The following DHRS7C variants were observed in gnomAD, a reference collection of about 807,000 sequenced individuals.
The protein encoded by DHRS7C is dehydrogenase/reductase 7C.
A neutral mutation model predicts 29.6 loss-of-function variants in DHRS7C; 28 were observed. The observed-to-expected ratio is 0.95, with a 90% CI of 0.70 to 1.30. The LOEUF (loss-of-function observed/expected upper bound fraction) is 1.30, where lower values mean the gene tolerates loss of function less well. Ranked by LOEUF, DHRS7C falls within the 50% of genes most tolerant of loss-of-function variation. The pLI, the probability that DHRS7C is intolerant of heterozygous loss-of-function variation, is 0.00. For missense variants in DHRS7C, 403 were observed against 393.3 expected (o/e 1.02, Z -0.21); for synonymous variants, 158 against 160.2 (o/e 0.99, Z 0.10).
chr17:9,788,574 A>T (rs7215381), intron 1 of DHRS7C, among the ~76,000 whole-genome samples: 19,922 of 152,256 alleles, frequency 0.13, 1,677 homozygotes, highest in Non-Finnish European at 0.2. Flanking sequence ...GGCCAAATCC[A>T]GGAGGTTTAG....
chr17:9,779,438 T>C (rs1378251501), intron 3 of DHRS7C, among the ~76,000 whole-genome samples: 4 of 152,190 alleles, frequency 2.6e-5, no homozygotes, highest in African/African-American at 9.7e-5. Flanking sequence ...CTGTAATGGT[T>C]AGAAGCAGGT....
chr17:9,783,881 C>T (rs1442142494), intron 1 of DHRS7C, among the ~76,000 whole-genome samples: 1 of 151,140 alleles, frequency 6.6e-6, no homozygotes, highest in Non-Finnish European at 1.5e-5. Context: ...ATGGAGACTG[C>T]AGTAAATTGA....
At chr17:9,773,592 AGGCAGAAGG>A (rs2066344113) in intron 4 of DHRS7C, among the ~76,000 whole-genome samples, 2 of 152,164 alleles carry the variant, frequency 1.3e-5, no homozygotes, top group South Asian at 2.1e-4. Flanking sequence ...TGTCAGTCAG[AGGCAGAAGG>A]GGCAGAAGGT....
chr17:9,790,810 T>C (rs936436504), intron 1 of DHRS7C, among the ~76,000 whole-genome samples: 2 of 152,164 alleles, frequency 1.3e-5, no homozygotes, highest in African/African-American at 4.8e-5. Flanking sequence ...ACCAGTACAT[T>C]GCCCCAGCTA....
intron 1 of DHRS7C, among the ~76,000 whole-genome samples, chr17:9,784,126 T>C (rs1265883848): frequency 1.3e-5 from 2 of 151,880 alleles, no homozygotes; most frequent in Non-Finnish European, 2.9e-5. Flanking sequence ...TGAGCATCCA[T>C]TGAAAGAAAA....
intron 1 of DHRS7C, among the ~76,000 whole-genome samples, chr17:9,786,031 A>G (rs1256049051): frequency 2.0e-5 from 3 of 151,858 alleles, no homozygotes; most frequent in Non-Finnish European, 4.4e-5. Flanking sequence ...ATAATCTAAT[A>G]GTAATCAGAG....
intron 5 of DHRS7C, among the ~76,000 whole-genome samples, chr17:9,772,225 C>G (rs2066333802): frequency 6.6e-6 from 1 of 152,140 alleles, no homozygotes; most frequent in Admixed American, 6.5e-5. Flanking sequence ...TTCAGTCCTT[C>G]CAACAACCCT....
At chr17:9,787,413 G>A (rs2066430201) in intron 1 of DHRS7C, among the ~76,000 whole-genome samples, 1 of 151,966 alleles carries the variant, frequency 6.6e-6, no homozygotes, top group Non-Finnish European at 1.5e-5. Context: ...GTGTGCCTGG[G>A]AGGCTGGAGC....
chr17:9,777,536 CTTTTTT>C (rs35099144), intron 3 of DHRS7C, among the ~76,000 whole-genome samples: 1 of 147,852 alleles, frequency 6.8e-6, no homozygotes, highest in Non-Finnish European at 1.5e-5. Flanking sequence ...ACACTGATTT[CTTTTTT>C]TTTTTTTAAA....
rs2066455556 is a variant in DHRS7C, at chr17:9,791,591, A to C, written c.-307T>G. Among the ~76,000 whole-genome samples the C allele has an allele frequency of 6.6e-6, 1 of 152,166 alleles. No homozygotes were observed. Among genetic ancestry groups the C allele is most frequent in the Non-Finnish European group, 1.5e-5 (1 of 68,014 alleles). On this transcript the variant is annotated 5_prime_UTR_variant, in exon 1 of 6. Coordinates refer to ENST00000571134, the MANE Select transcript of DHRS7C (RefSeq NM_001105571.3). ...GTTAAGGCCACTTGCTTGGGCCCTAATGGTTATTTATAGCTTTCAGTTGCA... is the reference window on the plus strand; with the variant it reads ...GTTAAGGCCACTTGCTTGGGCCCTACTGGTTATTTATAGCTTTCAGTTGCA...
intron 1 of DHRS7C, among the ~76,000 whole-genome samples, chr17:9,788,990 C>T (rs2066439712): frequency 6.6e-6 from 1 of 152,152 alleles, no homozygotes. Context: ...GGCTGTTTCC[C>T]TCATGAGATG....
In DHRS7C at chr17:9,774,313, C is replaced by G. The variant is rs1474108511; in HGVS notation, c.572-1391G>C. ...GTTTTGTTTTGTTTTGAGAGGGAGT[C>G]TTGCTCTGTTGTCCGGGCTGGAGTA... On this transcript the variant is annotated intron_variant, in intron 4 of 5. Coordinates refer to ENST00000571134, the MANE Select transcript of DHRS7C (RefSeq NM_001105571.3). This position sits in a 1 kb window ranked among gnomAD's most constrained non-coding sequence, Gnocchi z 5.0. 1.3e-5 allele frequency among the ~76,000 whole-genome samples: 2 copies of G among 152,074 alleles called. No individual in the cohort carries two copies. The highest frequency in any genetic ancestry group is 2.9e-5 in the Non-Finnish European group (2 of 68,010).
rs1187932321 is a variant in DHRS7C at position 9,781,557 on chromosome 17, C to A, written c.192G>T (p.Leu64=). 1.2e-6 allele frequency: 2 copies of A among 1,613,974 alleles called. No homozygotes were observed. Among genetic ancestry groups the A allele is most frequent in the Admixed American group, 1.7e-5 (1 of 60,032 alleles). The part of the protein sequence containing the change: ...ARVFHTGGAR[L]VLCGKNWERL... The stretch of plus-strand genomic sequence containing the variant: ...TCTCCCAGTTCTTTCCACACAGCAC[C>A]AGCCTTGCCCCACCTGTGTGGAACA... Residue 64 remains leucine (L), a synonymous_variant, in exon 2 of 6, where the codon CTG becomes CTT. Transcript: ENST00000571134.
At position 9,774,002 on chromosome 17, in the gene DHRS7C, C is replaced by T. The variant is rs551834709; in HGVS notation, c.572-1080G>A. Among the ~76,000 whole-genome samples, 33 of 152,026 alleles carry T rather than the reference C, an allele frequency of 2.2e-4. No homozygotes were observed. The highest frequency in any genetic ancestry group is 2.1e-3 in the South Asian group (10 of 4,822). ...CCTCCCAAAGTGCTGGGATTACAGG[C>T]GTGAGCCACCACGCCCAGCAAAACC... On this transcript the variant is annotated intron_variant, in intron 4 of 5. Coordinates refer to ENST00000571134, the MANE Select transcript of DHRS7C (RefSeq NM_001105571.3). This position sits in a 1 kb window ranked among gnomAD's most constrained non-coding sequence, Gnocchi z 5.0.
chr17:9,771,838 G>A (rs2066330898), intron 5 of DHRS7C, 142 bp from the exon 6 acceptor site: 1 of 774,762 alleles, frequency 1.3e-6, no homozygotes, highest in Non-Finnish European at 1.8e-6. Flanking sequence ...TCCGCCACCC[G>A]CGGACCGCGG....
intron 2 of DHRS7C, 139 bp downstream of exon 2, chr17:9,781,343 A>T (rs933228059): frequency 1.4e-6 from 1 of 730,770 alleles, no homozygotes; most frequent in Non-Finnish European, 2.3e-6. Flanking sequence ...GCCTATGTCA[A>T]GGTCATTGGG....
chr17:9,773,210 GC>G (rs2066341859), intron 4 of DHRS7C, among the ~76,000 whole-genome samples: 1 of 152,074 alleles, frequency 6.6e-6, no homozygotes, highest in Non-Finnish European at 1.5e-5. Context: ...TAAAATGGGG[GC>G]GCTATTTCCC....
At chr17:9,789,125 T>C (rs1294753122) in intron 1 of DHRS7C, among the ~76,000 whole-genome samples, 1 of 152,142 alleles carries the variant, frequency 6.6e-6, no homozygotes, top group East Asian at 1.9e-4. Flanking sequence ...TTCTACCTAA[T>C]AAGACACAAA....
At chr17:9,787,567 G>T (rs1043427285) in intron 1 of DHRS7C, among the ~76,000 whole-genome samples, 1 of 152,126 alleles carries the variant, frequency 6.6e-6, no homozygotes, top group East Asian at 1.9e-4. Context: ...CAGGTATCTC[G>T]CATCGAGCAC....
Sources: allele counts gnomAD v4.1 joint callset (sites outside exome capture counted in the v4.1 genomes callset), GRCh38; gene constraint gnomAD v4.1.1; non-coding constraint Gnocchi (gnomAD v3.1); transcripts MANE v1.5; gene names NCBI Gene and HGNC (gene_info 2026-07-23, HGNC 2026-07-21).